VPS37A: variants seen among roughly 807,000 people sequenced by gnomAD.
VPS37A encodes vacuolar protein sorting-associated protein 37A.
A neutral mutation model predicts 49.8 loss-of-function variants in VPS37A; 30 were observed. That is an observed-to-expected ratio of 0.60 (90% confidence interval 0.45 to 0.82). The LOEUF (loss-of-function observed/expected upper bound fraction) is 0.82. Ranked by LOEUF, VPS37A falls within the 40% of genes least tolerant of loss-of-function variation. The pLI, the probability that VPS37A is intolerant of heterozygous loss-of-function variation, is 0.00. For missense variants in VPS37A, 593 were observed against 464.4 expected, an observed-to-expected ratio of 1.28 and a Z score of -2.55; for synonymous variants, 195 against 160.6, an observed-to-expected ratio of 1.21 and a Z score of -1.62.
chr8:17,261,349 T>C (rs11774740), intron 1 of VPS37A, among the ~76,000 whole-genome samples: 52,208 of 152,038 alleles, frequency 0.34, 12,158 homozygotes, highest in East Asian at 0.66. Context: ...CTTTGTTAAA[T>C]TTCTCTGATA....
chr8:17,269,811 A>G (rs138484630), intron 4 of VPS37A, among the ~76,000 whole-genome samples: 1,704 of 152,278 alleles, frequency 0.011, 27 homozygotes, highest in South Asian at 0.069. Flanking sequence ...AGCTTCCTGA[A>G]TAAAGTCATG....
At chr8:17,278,984 C>T (rs1194313796) in intron 6 of VPS37A, among the ~76,000 whole-genome samples, 2 of 152,088 alleles carry the variant, frequency 1.3e-5, no homozygotes, top group African/African-American at 4.8e-5. Flanking sequence ...AGTTCTTTCA[C>T]CCTACAGATA....
intron 9 of VPS37A, among the ~76,000 whole-genome samples, chr8:17,282,147 T>C (rs919183559): frequency 1.3e-5 from 2 of 152,084 alleles, no homozygotes; most frequent in Non-Finnish European, 2.9e-5. Flanking sequence ...GAATACACTG[T>C]AAATCCTCAT....
chr8:17,267,157 C>T (rs1457283348), intron 2 of VPS37A, among the ~76,000 whole-genome samples: 1 of 152,106 alleles, frequency 6.6e-6, no homozygotes, highest in Non-Finnish European at 1.5e-5. Context: ...CTCCAAAGGC[C>T]ATTTAGTGCC....
chr8:17,284,483 C>T lies in VPS37A; in HGVS notation c.980C>T (p.Ala327Val), dbSNP rs377170303. ...GATTTTCTTTTTCAGAGCTGTAGTG[C>T]AAGTGCCCTTCAGGCAAGATTGAAA... Reference protein sequence around the residue: ...RQHELSESCSASALQARLKVA... With the variant: ...RQHELSESCSVSALQARLKVA... Residue 327 changes from alanine to valine, a missense_variant, in exon 10 of 12, where the codon GCA (alanine) becomes GTA (valine). Ala to Val is a moderately conservative substitution (Grantham distance 64). Transcript: ENST00000324849. The T allele has an allele frequency of 1.9e-6, 3 of 1,584,326 alleles. No homozygotes were observed. The highest frequency in any genetic ancestry group is 2.6e-6 in the Non-Finnish European group (3 of 1,171,322).
At chr8:17,325,195 C>T in the VPS37A span, among the ~76,000 whole-genome samples, 1 of 151,966 alleles carries the variant, frequency 6.6e-6, no homozygotes, top group Non-Finnish European at 1.5e-5. Context: ...TGGGTGTGTC[C>T]GGGGCTCTTC....
intron 5 of VPS37A, among the ~76,000 whole-genome samples, chr8:17,275,608 TC>T (rs1469786082): frequency 2.6e-5 from 4 of 152,174 alleles, no homozygotes; most frequent in Non-Finnish European, 5.9e-5. Flanking sequence ...CTTCAAGTGT[TC>T]CGTTGGTTTA....
chr8:17,279,684 C>T (rs1434530675), intron 6 of VPS37A: 1 of 403,546 alleles, frequency 2.5e-6, no homozygotes, highest in Middle Eastern at 8.1e-4. Context: ...ATACATTGTT[C>T]TTTACCTGAG....
At chr8:17,248,119 T>C (rs947568704) in intron 1 of VPS37A, 7 of 359,446 alleles carry the variant, frequency 1.9e-5, no homozygotes, top group African/African-American at 1.5e-4. Context: ...TGCAGCCTTT[T>C]ACATTGCAAA....
chr8:17,246,994 C>T lies in VPS37A; in HGVS notation c.-251C>T, dbSNP rs571153585. On this transcript the variant is annotated 5_prime_UTR_variant, in exon 1 of 12. Coordinates refer to ENST00000324849, the MANE Select transcript of VPS37A (RefSeq NM_152415.3). ...AGGCTCCCTGGCTGGCCGGTTTGGGCGTCTGGGCCGTGAAGGTGGGACCTC... is the reference window on the plus strand; with the variant it reads ...AGGCTCCCTGGCTGGCCGGTTTGGGTGTCTGGGCCGTGAAGGTGGGACCTC... 7 of 525,316 alleles carry T rather than the reference C, an allele frequency of 1.3e-5. No homozygotes were observed. The highest frequency in any genetic ancestry group is 7.1e-5 in the East Asian group (2 of 28,164). The allele number at this position is 525,316 out of a possible 1,614,324, so 32.5% of individuals were successfully genotyped here. A position where few individuals can be genotyped will look rare whatever the true frequency, so the allele number is the denominator to read the frequency against.
intron 1 of VPS37A, chr8:17,248,063 T>C: frequency 2.4e-6 from 1 of 422,064 alleles, no homozygotes. Context: ...TTTAGAAATA[T>C]TTTTACAATT....
chr8:17,320,314 G>A, the VPS37A span, among the ~76,000 whole-genome samples: 3 of 152,074 alleles, frequency 2.0e-5, no homozygotes, highest in Non-Finnish European at 4.4e-5. Flanking sequence ...TTTTGCACAT[G>A]TACCTCTAAA....
At chr8:17,293,756 G>T (rs752039406) in intron 11 of VPS37A, among the ~76,000 whole-genome samples, 3 of 152,178 alleles carry the variant, frequency 2.0e-5, no homozygotes, top group Non-Finnish European at 4.4e-5. Context: ...TCCACATCCT[G>T]TTTGCCTGGG....
chr8:17,268,606 A>T (rs1295477041), intron 3 of VPS37A, among the ~76,000 whole-genome samples: 1 of 152,202 alleles, frequency 6.6e-6, no homozygotes, highest in Non-Finnish European at 1.5e-5. Flanking sequence ...AAATTATTGT[A>T]AATAGTCAAG....
intron 9 of VPS37A, 62 bp downstream of exon 9, chr8:17,280,505 T>C: frequency 7.0e-7 from 1 of 1,424,116 alleles, no homozygotes; most frequent in South Asian, 1.3e-5. Context: ...TGTGCATGAG[T>C]CCTGATCTCA....
chr8:17,299,967 C>T (rs1463786994), downstream of VPS37A: 9 of 1,613,996 alleles, frequency 5.6e-6, no homozygotes, highest in Non-Finnish European at 6.8e-6. Flanking sequence ...AATCCTCCAC[C>T]CCGGACTCTT....
At chr8:17,293,890 C>A (rs1417548833) in intron 11 of VPS37A, among the ~76,000 whole-genome samples, 2 of 152,200 alleles carry the variant, frequency 1.3e-5, no homozygotes, top group Non-Finnish European at 2.9e-5. Flanking sequence ...GTCTGTCAAC[C>A]CCTGCTGGGA....
At chr8:17,309,306 C>A in the VPS37A span, 2 of 1,568,772 alleles carry the variant, frequency 1.3e-6, no homozygotes, top group South Asian at 1.1e-5. Flanking sequence ...CAAAGGAAAT[C>A]CAGTCCTTTT....
At chr8:17,287,277 C>T (rs1815692212) in intron 11 of VPS37A, among the ~76,000 whole-genome samples, 1 of 152,150 alleles carries the variant, frequency 6.6e-6, no homozygotes, top group South Asian at 2.1e-4. Context: ...GTACAGTCAC[C>T]TGAGACTGAA....
Sources: gnomAD v4.1 joint callset for allele counts (sites outside exome capture counted in the v4.1 genomes callset) on GRCh38, gnomAD v4.1.1 for gene constraint, MANE v1.5 for transcripts, NCBI Gene and HGNC (gene_info 2026-07-23, HGNC 2026-07-21) for gene names.